The following ANO2 variants were observed in gnomAD, a reference collection of about 807,000 sequenced individuals.
The protein encoded by ANO2 is anoctamin-2.
ANO2 carries 101 observed loss-of-function variants against 124.2 expected under a neutral mutation model. That is an observed-to-expected ratio of 0.81 (90% CI 0.69 to 0.96). The LOEUF (loss-of-function observed/expected upper bound fraction) is 0.96. ANO2 is among the 40% of genes least tolerant of loss of function. ANO2 has a pLI of 0.00. For synonymous variants in ANO2, 486 were observed against 482.5 expected (o/e 1.01, Z -0.09); for missense variants, 1,293 against 1,274.5 (o/e 1.01, Z -0.22).
At chr12:5,815,233 C>T (rs563917294) in intron 7 of ANO2, among the ~76,000 whole-genome samples, 108 of 152,296 alleles carry the variant, frequency 7.1e-4, no homozygotes, top group African/African-American at 2.4e-3. Context: ...ACTCTCTTTA[C>T]CCAAAATTCT....
chr12:5,688,713 G>C (rs868088482), intron 14 of ANO2, among the ~76,000 whole-genome samples: 13 of 152,204 alleles, frequency 8.5e-5, no homozygotes, highest in African/African-American at 2.6e-4. Flanking sequence ...ATAGGGCCTG[G>C]GCAGCATCCA....
At chr12:5,737,820 G>T (rs549197940) in intron 13 of ANO2, among the ~76,000 whole-genome samples, 15 of 152,138 alleles carry the variant, frequency 9.9e-5, no homozygotes, top group Middle Eastern at 3.4e-3. Flanking sequence ...GAATTTTCCC[G>T]CAAGAAATGC....
intron 15 of ANO2, among the ~76,000 whole-genome samples, chr12:5,646,873 C>T (rs1393107242): frequency 2.6e-5 from 4 of 152,072 alleles, no homozygotes; most frequent in African/African-American, 4.8e-5. Context: ...TTAACGGTCA[C>T]GATGGCAAAA....
chr12:5,649,002 C>T (rs1465133659), intron 14 of ANO2, among the ~76,000 whole-genome samples: 1 of 152,184 alleles, frequency 6.6e-6, no homozygotes, highest in African/African-American at 2.4e-5. Context: ...TTCTAAAAAT[C>T]CCTCTGGGGC....
At chr12:5,703,900 A>T (rs972565760) in intron 14 of ANO2, among the ~76,000 whole-genome samples, 18 of 152,220 alleles carry the variant, frequency 1.2e-4, no homozygotes, top group African/African-American at 4.1e-4. Context: ...CTTAAAAAAA[A>T]ATAGTATCAG....
At chr12:5,815,045 C>A (rs932325680) in intron 7 of ANO2, among the ~76,000 whole-genome samples, 4 of 152,194 alleles carry the variant, frequency 2.6e-5, no homozygotes, top group East Asian at 1.9e-4. Flanking sequence ...ACTTTGGTGA[C>A]AGTAACACCT....
chr12:5,851,036 C>T (rs1006933237), intron 4 of ANO2, among the ~76,000 whole-genome samples: 13 of 118,634 alleles, frequency 1.1e-4, no homozygotes, highest in African/African-American at 7.0e-4. Flanking sequence ...CGAATAACTG[C>T]AGAACCAAGG....
intron 14 of ANO2, among the ~76,000 whole-genome samples, chr12:5,685,522 G>A (rs1948666733): frequency 6.6e-6 from 1 of 152,196 alleles, no homozygotes; most frequent in African/African-American, 2.4e-5. Context: ...CAGTGGCTCA[G>A]GCCTATAATC....
intron 7 of ANO2, among the ~76,000 whole-genome samples, chr12:5,816,246 A>G (rs1439974689): frequency 3.3e-5 from 5 of 152,058 alleles, no homozygotes; most frequent in Admixed American, 1.3e-4. Context: ...CCAGAAAGAA[A>G]GGCAATAAAA....
chr12:5,642,222 C>T (rs940095750), intron 15 of ANO2, among the ~76,000 whole-genome samples: 5 of 152,166 alleles, frequency 3.3e-5, no homozygotes, highest in African/African-American at 1.2e-4. Context: ...ATAGCAGTGT[C>T]CCGGGACTTG....
At position 5,830,495 on chromosome 12, in the gene ANO2, G is replaced by C; in HGVS notation, c.786-6C>G. 1 of 1,610,138 alleles carries C rather than the reference G, an allele frequency of 6.2e-7. No individual in the cohort carries two copies. The highest frequency in any genetic ancestry group is 8.5e-7 in the Non-Finnish European group (1 of 1,178,294). ...CCTTTTCCTGGATGTTGTACCTGGA[G>C]ACACCAAGAGAGCAGATGGCAAATT... is the stretch of plus-strand genomic sequence containing the variant. On this transcript the variant is annotated splice_region_variant and splice_polypyrimidine_tract_variant and intron_variant, in intron 5 of 24. Transcript: ENST00000682330.
intron 7 of ANO2, among the ~76,000 whole-genome samples, chr12:5,824,905 A>G (rs544041668): frequency 1.1e-3 from 171 of 152,304 alleles, no homozygotes; most frequent in South Asian, 2.5e-3. Context: ...GAAACCCCTG[A>G]TAAACCCATC....
rs766669740 is a variant in ANO2 at position 5,903,676 on chromosome 12, T to TGTGTGG, written c.534+17363_534+17364insCCACAC. Among the ~76,000 whole-genome samples, 268 of 149,756 alleles carry TGTGTGG rather than the reference T, an allele frequency of 1.8e-3. 3 individuals are homozygous for TGTGTGG. The highest frequency in any genetic ancestry group is 6.6e-3 in the African/African-American group (263 of 39,786). On this transcript the variant is annotated intron_variant, in intron 3 of 24. Transcript: ENST00000682330. ...GTGTGTGTGTGTGTGTGTGTGTGTG[T>TGTGTGG]GGGTGTAGACAGCAAGGTCTGTGCA...
intron 1 of ANO2, among the ~76,000 whole-genome samples, chr12:5,928,101 A>C (rs1013462475): frequency 6.6e-6 from 1 of 152,184 alleles, no homozygotes; most frequent in East Asian, 1.9e-4. Context: ...AAGGTGAGTC[A>C]GCAGGGACCT....
chr12:5,621,037 A>G (rs139607339), intron 16 of ANO2, among the ~76,000 whole-genome samples: 1 of 152,142 alleles, frequency 6.6e-6, no homozygotes, highest in East Asian at 1.9e-4. Flanking sequence ...CCCCTTAACT[A>G]CAGGAGACAA....
chr12:5,889,697 C>T (rs150421663), intron 3 of ANO2, among the ~76,000 whole-genome samples: 1 of 152,372 alleles, frequency 6.6e-6, no homozygotes, highest in East Asian at 1.9e-4. Context: ...ACCAGACAGG[C>T]CATTAACCCA....
rs992443826 is a variant in ANO2 at position 5,832,810 on chromosome 12, G to A, written c.634-207C>T. Among the ~76,000 whole-genome samples, 5 of 152,198 alleles carry A rather than the reference G, an allele frequency of 3.3e-5. No individual in the cohort carries two copies. The South Asian group carries it at 1.0e-3, about 32-fold the overall frequency. On this transcript the variant is annotated intron_variant, in intron 4 of 24. Transcript: ENST00000682330. Reference sequence around the variant, plus strand: ...CTCCTGACTCCTCTCAATCCTTTGAGCTCATGGAGGTGAGCAGTGTAGAGA... The same window carrying A: ...CTCCTGACTCCTCTCAATCCTTTGAACTCATGGAGGTGAGCAGTGTAGAGA...
chr12:5,617,353 G>A lies in ANO2; in HGVS notation c.1817-2056C>T, dbSNP rs550772610. 4.4e-4 allele frequency among the ~76,000 whole-genome samples: 62 copies of A among 140,090 alleles called. No individual in the cohort carries two copies. In the South Asian group the frequency reaches 0.014, roughly 32 times the overall value. The allele number at this position is 140,090 out of a possible 152,430, so 91.9% of individuals were successfully genotyped here. Reference sequence around the variant, plus strand: ...AAGCTCACACCGTACCACACCTTCTGGATCACAGTGTGCCACACTCTGCAG... The same window carrying A: ...AAGCTCACACCGTACCACACCTTCTAGATCACAGTGTGCCACACTCTGCAG... On this transcript the variant is annotated intron_variant, in intron 16 of 24. Transcript: ENST00000682330.
intron 1 of ANO2, among the ~76,000 whole-genome samples, chr12:5,936,311 C>G (rs1942652039): frequency 6.6e-6 from 1 of 152,142 alleles, no homozygotes; most frequent in African/African-American, 2.4e-5. Context: ...CACGGTTTGA[C>G]TATCGGTGTC....
Sources: allele counts gnomAD v4.1 joint callset (sites outside exome capture counted in the v4.1 genomes callset), GRCh38; gene constraint gnomAD v4.1.1; transcripts MANE v1.5; gene names NCBI Gene and HGNC (gene_info 2026-07-23, HGNC 2026-07-21).